Variants in ATF6 observed in about 807,000 individuals in gnomAD.
ATF6 encodes cyclic AMP-dependent transcription factor ATF-6 alpha.
Under a neutral mutation model 83.6 loss-of-function variants are expected in ATF6, and 53 were observed. The ratio of observed to expected loss-of-function variants is 0.63; its 90% CI spans 0.51 to 0.80. ATF6 has a LOEUF of 0.80. Ranked by LOEUF, ATF6 falls within the 30% of genes least tolerant of loss-of-function variation. ATF6 has a pLI of 0.00. For synonymous variants in ATF6, 288 were observed against 285.8 expected (o/e 1.01, Z -0.08); for missense variants, 744 against 797.9 (o/e 0.93, Z 0.81).
chr1:161,799,800 A>G (rs1685102299), intron 6 of ATF6, among the ~76,000 whole-genome samples: 1 of 152,104 alleles, frequency 6.6e-6, no homozygotes, highest in African/African-American at 2.4e-5. Flanking sequence ...TTGCTTTTAT[A>G]AGTTATCTTT....
chr1:161,940,750 G>A (rs1415008910), intron 15 of ATF6, among the ~76,000 whole-genome samples: 7 of 151,934 alleles, frequency 4.6e-5, no homozygotes, highest in Middle Eastern at 3.4e-3. Context: ...TTTTAGTAGA[G>A]ACAGGGTTTC....
chr1:161,804,055 A>G (rs1322600353), intron 7 of ATF6, among the ~76,000 whole-genome samples: 1 of 132,990 alleles, frequency 7.5e-6, no homozygotes, highest in Non-Finnish European at 1.5e-5. Context: ...ATGTGTTCTC[A>G]TTGTTCAATT....
intron 7 of ATF6, among the ~76,000 whole-genome samples, chr1:161,815,290 C>T (rs1379476325): frequency 6.8e-6 from 1 of 146,842 alleles, no homozygotes; most frequent in Non-Finnish European, 1.5e-5. Flanking sequence ...CTCCTGAGCT[C>T]AAGTGATCCT....
intron 4 of ATF6, among the ~76,000 whole-genome samples, chr1:161,785,993 A>G (rs1057030765): frequency 6.9e-6 from 1 of 144,596 alleles, no homozygotes; most frequent in African/African-American, 2.6e-5. Flanking sequence ...TTTTTTGGAG[A>G]TGAACTCTCT....
rs71093134 is a variant in ATF6, at chr1:161,937,889, T to TAA, written c.1805-20547_1805-20546dup. On this transcript the variant is annotated intron_variant, in intron 15 of 15. Transcript: ENST00000367942. ...ATGTATCCCAGAACTGAAAAGATAA[T>TAA]AAAAAAAAAAATCACGCCACTCCTC... Among the ~76,000 whole-genome samples the TAA allele has an allele frequency of 7.8e-4, 116 of 148,134 alleles. 1 individual carries two copies. Among genetic ancestry groups the TAA allele is most frequent in the Admixed American group, 1.3e-3 (20 of 14,980 alleles).
rs774498650 is a variant in ATF6, at chr1:161,782,005, T to C, written c.247+6T>C. 3 of 1,575,828 alleles carry C rather than the reference T, an allele frequency of 1.9e-6. No homozygotes were observed. Among genetic ancestry groups the C allele is most frequent in the Non-Finnish European group, 1.7e-6 (2 of 1,155,254 alleles). ...CAACAACCAAATCTGTACAGGTAAT[T>C]ATGTGTTTCACTGGTAAAAGTTTTA... is the stretch of plus-strand genomic sequence containing the variant. On this transcript the variant is annotated splice_donor_region_variant and intron_variant, in intron 3 of 15. Coordinates refer to ENST00000367942, the MANE Select transcript of ATF6 (RefSeq NM_007348.4).
chr1:161,784,153 G>A (rs955057298), intron 4 of ATF6, 57 bp downstream of exon 4: 3 of 1,174,096 alleles, frequency 2.6e-6, no homozygotes, highest in African/African-American at 3.1e-5. Context: ...TGGAAAATAT[G>A]TATATGGAGG....
In ATF6 at chr1:161,802,312, T is replaced by C. The variant is rs367845938; in HGVS notation, c.909+40T>C. The stretch of plus-strand genomic sequence containing the variant: ...TTAGTGCTTCTCTTAATGCCTGATT[T>C]AAAAACCAACAAAAAAACACCTTTT... On this transcript the variant is annotated intron_variant, in intron 7 of 15. Transcript: ENST00000367942. 5.2e-5 allele frequency: 82 copies of C among 1,565,300 alleles called. No individual in the cohort carries two copies. The African/African-American group carries it at 7.3e-4, about 14-fold the overall frequency.
chr1:161,929,090 A>C (rs2101900808), intron 15 of ATF6, among the ~76,000 whole-genome samples: 1 of 152,354 alleles, frequency 6.6e-6, no homozygotes, highest in East Asian at 1.9e-4. Flanking sequence ...GAGAGGTACA[A>C]ATATGAAAAC....
chr1:161,923,593 TTGC>T (rs1476669422), intron 15 of ATF6, among the ~76,000 whole-genome samples: 1 of 152,326 alleles, frequency 6.6e-6, no homozygotes, highest in African/African-American at 2.4e-5. Context: ...TGTTATTACT[TTGC>T]TAAGAATGAT....
At chr1:161,893,312 A>T (rs993346258) in intron 14 of ATF6, among the ~76,000 whole-genome samples, 1 of 151,736 alleles carries the variant, frequency 6.6e-6, no homozygotes, top group African/African-American at 2.4e-5. Flanking sequence ...GATTACAGGC[A>T]TGTGACACCA....
intron 14 of ATF6, among the ~76,000 whole-genome samples, chr1:161,883,129 G>A (rs1687353531): frequency 6.6e-6 from 1 of 151,946 alleles, no homozygotes; most frequent in Admixed American, 6.6e-5. Flanking sequence ...AACTGCAAGA[G>A]TATTACATGG....
chr1:161,802,707 C>A (rs1287495809), intron 7 of ATF6, among the ~76,000 whole-genome samples: 1 of 152,154 alleles, frequency 6.6e-6, no homozygotes, highest in African/African-American at 2.4e-5. Flanking sequence ...TTCTTCCTTG[C>A]CGTTTTGAAG....
At position 161,912,152 on chromosome 1, in the gene ATF6, G is replaced by A. The variant is rs1029891774; in HGVS notation, c.1720-144G>A. The A allele has an allele frequency of 1.1e-5, 6 of 530,642 alleles. No individual in the cohort carries two copies. In the African/African-American group the frequency reaches 1.2e-4, roughly 10 times the overall value. The allele number at this position is 530,642 out of a possible 1,614,324, so 32.9% of individuals were successfully genotyped here. ...TGAATGAATGATTCTAAGCTGGTTTGTAGTTAATTAAGCCAACTTCAAATA... is the reference window on the plus strand; with the variant it reads ...TGAATGAATGATTCTAAGCTGGTTTATAGTTAATTAAGCCAACTTCAAATA... On this transcript the variant is annotated intron_variant, in intron 14 of 15. Coordinates refer to ENST00000367942, the MANE Select transcript of ATF6 (RefSeq NM_007348.4).
intron 15 of ATF6, among the ~76,000 whole-genome samples, chr1:161,925,347 T>C (rs1050804361): frequency 2.0e-5 from 3 of 152,222 alleles, no homozygotes; most frequent in Non-Finnish European, 4.4e-5. Context: ...CTGTCAAATA[T>C]AGTCTTTAGC....
intron 14 of ATF6, among the ~76,000 whole-genome samples, chr1:161,871,986 G>A (rs957150188): frequency 5.3e-5 from 8 of 151,612 alleles, no homozygotes; most frequent in Non-Finnish European, 1.0e-4. Flanking sequence ...ACAACAAAAT[G>A]TGAAGTTACA....
At chr1:161,923,904 A>G (rs1218292201) in intron 15 of ATF6, among the ~76,000 whole-genome samples, 1 of 152,216 alleles carries the variant, frequency 6.6e-6, no homozygotes, top group Non-Finnish European at 1.5e-5. Context: ...ACTCAAACAG[A>G]TGGTTTAGCT....
chr1:161,855,328 G>A (rs1286612358), intron 12 of ATF6, among the ~76,000 whole-genome samples: 2 of 152,082 alleles, frequency 1.3e-5, no homozygotes, highest in Non-Finnish European at 1.5e-5. Context: ...TAAAGCTGAT[G>A]GAAATTGTTG....
chr1:161,836,330 G>A lies in ATF6; in HGVS notation c.1188-10119G>A, dbSNP rs533180521. ...TATTGGCTGTAGGTTAAAAGTTACC[G>A]TGTAACTTAAACGTCAGAATTCAAA... On this transcript the variant is annotated intron_variant, in intron 9 of 15. Transcript: ENST00000367942. Among the ~76,000 whole-genome samples the A allele has an allele frequency of 4.6e-5, 7 of 152,300 alleles. No individual in the cohort carries two copies. In the South Asian group the frequency reaches 6.2e-4, roughly 14 times the overall value.
Sources: gnomAD v4.1 joint callset for allele counts (sites outside exome capture counted in the v4.1 genomes callset) on GRCh38, gnomAD v4.1.1 for gene constraint, MANE v1.5 for transcripts, NCBI Gene and HGNC (gene_info 2026-07-23, HGNC 2026-07-21) for gene names.